The following METTL27 variants were observed in gnomAD, a reference collection of about 807,000 sequenced individuals.
METTL27 encodes the protein methyltransferase like 27, also known as methyltransferase-like protein 27.
In METTL27, 29 loss-of-function variants were observed where a neutral mutation model predicts 24.5. That is an observed-to-expected ratio of 1.18 (90% CI 0.88 to 1.61). The LOEUF is 1.61. METTL27 is among the 40% of genes most tolerant of loss of function. The probability of loss-of-function intolerance (pLI) is 0.00; values close to 1 mark genes in which losing one functional copy is unlikely to be tolerated. For synonymous variants in METTL27, 138 were observed against 146.8 expected, an observed-to-expected ratio of 0.94 and a Z score of 0.43; for missense variants, 341 against 324.3, an observed-to-expected ratio of 1.05 and a Z score of -0.40.
chr7:73,840,690 T>TC, intron 3 of METTL27, 141 bp from the exon 4 acceptor site: 2 of 1,249,252 alleles, frequency 1.6e-6, no homozygotes, highest in Non-Finnish European at 2.1e-6. Context: ...ACAAGGTCTC[T>TC]CTCTGTCGCC....
At chr7:73,838,617 G>A (rs1788272720) in intron 5 of METTL27, among the ~76,000 whole-genome samples, 1 of 152,188 alleles carries the variant, frequency 6.6e-6, no homozygotes, top group Non-Finnish European at 1.5e-5. Context: ...CCCATGGGCA[G>A]CCTGATGGGG....
intron 5 of METTL27, among the ~76,000 whole-genome samples, chr7:73,837,305 ATT>A (rs1303835185): frequency 1.7e-4 from 14 of 81,654 alleles, no homozygotes; most frequent in African/African-American, 4.2e-4. Flanking sequence ...AAATAAATAA[ATT>A]TAAAAAAAAT....
intron 5 of METTL27, among the ~76,000 whole-genome samples, chr7:73,835,524 GC>G (rs1360117043): frequency 7.2e-6 from 1 of 139,428 alleles, no homozygotes; most frequent in African/African-American, 2.7e-5. Context: ...GCTCAATGGT[GC>G]CCAGGCTGGA....
intron 4 of METTL27, 64 bp from the exon 5 acceptor site, chr7:73,840,184 G>A: frequency 1.9e-6 from 3 of 1,539,706 alleles, no homozygotes; most frequent in South Asian, 1.2e-5. Context: ...TGTCTATGGT[G>A]TGGCCTCAGA....
intron 5 of METTL27, among the ~76,000 whole-genome samples, chr7:73,837,299 A>C (rs1473943268): frequency 1.1e-5 from 1 of 93,410 alleles, no homozygotes; most frequent in African/African-American, 3.3e-5. Flanking sequence ...ATAAATAAAT[A>C]AATAAATTTA....
At chr7:73,839,794 G>A (rs1200778667) in intron 5 of METTL27, 5 of 475,494 alleles carry the variant, frequency 1.1e-5, no homozygotes, top group Non-Finnish European at 1.8e-5. Context: ...CTGCAGAGGA[G>A]GGTGGAGTTG....
chr7:73,840,281 G>A (rs1398202248), intron 4 of METTL27, 133 bp downstream of exon 4: 12 of 1,480,164 alleles, frequency 8.1e-6, no homozygotes, highest in Non-Finnish European at 1.1e-5. Flanking sequence ...CCAGTTCTGG[G>A]CTGCAGTCAG....
rs781922757 is a variant in METTL27 at position 73,842,061 on chromosome 7, T to G, written c.80A>C (p.Gln27Pro). The G allele has an allele frequency of 1.9e-6, 3 of 1,614,070 alleles. No homozygotes were observed. The highest frequency in any genetic ancestry group is 3.3e-5 in the Admixed American group (2 of 60,020). The change falls in exon 2 of 6, where the codon CAA (glutamine) becomes CCA (proline). Residue 27 changes from glutamine (Q) to proline (P), a missense_variant. Gln to Pro is a moderately conservative substitution (Grantham distance 76). Transcript: ENST00000297873. ...CCAGCGGTCATAGAAATGGAGCTTT[T>G]GGGCCAGGTCGGGGATGCCATGCGC... ...RAAHGIPDLAQKLHFYDRWAP... is the reference protein window; with the variant it reads ...RAAHGIPDLAPKLHFYDRWAP...
chr7:73,836,185 GTCAGC>G (rs1563649421), intron 5 of METTL27, among the ~76,000 whole-genome samples: 8 of 127,896 alleles, frequency 6.3e-5, no homozygotes, highest in African/African-American at 1.2e-4. Context: ...AGGTAGGGGG[GTCAGC>G]CCCCCGCCAG....
chr7:73,835,069 G>A (rs1788124158), intron 5 of METTL27, 67 bp from the exon 6 acceptor site: 1 of 1,509,804 alleles, frequency 6.6e-7, no homozygotes, highest in Non-Finnish European at 8.8e-7. Context: ...TCTCTGCTGG[G>A]GATGGTTGTC....
At chr7:73,839,065 T>G (rs1788284525) in intron 5 of METTL27, among the ~76,000 whole-genome samples, 1 of 152,068 alleles carries the variant, frequency 6.6e-6, no homozygotes, top group African/African-American at 2.4e-5. Context: ...GGGCGATCAC[T>G]TGAGGTCAGG....
chr7:73,840,563 G>A lies in METTL27; in HGVS notation c.253-14C>T, dbSNP rs957526734. 10 of 1,570,092 alleles carry A rather than the reference G, an allele frequency of 6.4e-6. No individual in the cohort carries two copies. The highest frequency in any genetic ancestry group is 8.6e-6 in the Non-Finnish European group (10 of 1,160,076). On this transcript the variant is annotated splice_polypyrimidine_tract_variant and intron_variant, in intron 3 of 5. Transcript: ENST00000297873. ...TGGAGCCCGCAGCTGGGGTAGGGGT[G>A]GGAGACTCAGTCATGGTTCACACCT...
rs782005704 is a variant in METTL27 at position 73,841,072 on chromosome 7, C to T, written c.250G>A (p.Glu84Lys). 12 of 1,487,570 alleles carry T rather than the reference C, an allele frequency of 8.1e-6. No homozygotes were observed. Among genetic ancestry groups the T allele is most frequent in the Middle Eastern group, 1.8e-4 (1 of 5,676 alleles). The allele number at this position is 1,487,570 out of a possible 1,614,324, so 92.1% of individuals were successfully genotyped here. Residue 84 changes from glutamate (E) to lysine (K), a missense_variant and splice_region_variant, in exon 3 of 6, where the codon GAG becomes AAG. Transcript: ENST00000297873. The stretch of plus-strand genomic sequence containing the variant: ...CAGGGGATCTGGAAGAGCCTCACCT[C>T]GGCAGCCACTAGGCCTGTGCCACAG... ...VACGTGLVAA[E>K]LRAPGFLQLH...
At chr7:73,838,741 C>A (rs1260767851) in intron 5 of METTL27, among the ~76,000 whole-genome samples, 1 of 152,200 alleles carries the variant, frequency 6.6e-6, no homozygotes, top group East Asian at 1.9e-4. Context: ...CTGACCCCAT[C>A]CGTGTCCCTG....
At chr7:73,840,386 C>T (rs1295300580) in intron 4 of METTL27, 28 bp downstream of exon 4, 4 of 1,555,354 alleles carry the variant, frequency 2.6e-6, no homozygotes, top group African/African-American at 1.4e-5. Context: ...GGGTGGGCCT[C>T]GGGGTGTGGA....
Position 73,840,018 on chromosome 7 carries a change from G to C in METTL27, c.478+13C>G. 1 of 1,601,872 alleles carries C rather than the reference G, an allele frequency of 6.2e-7. No homozygotes were observed. The highest frequency in any genetic ancestry group is 1.1e-5 in the South Asian group (1 of 88,686). Reference sequence around the variant, plus strand: ...GACGGGGGTTGGGGGTGGTTGGCTGGGCTGCTCCTCACCTGGCTTGGTGAC... The same window carrying C: ...GACGGGGGTTGGGGGTGGTTGGCTGCGCTGCTCCTCACCTGGCTTGGTGAC... On this transcript the variant is annotated intron_variant, in intron 5 of 5. Transcript: ENST00000297873.
Position 73,834,864 on chromosome 7 carries a change from G to C in METTL27, c.617C>G (p.Thr206Ser). 2 of 1,611,586 alleles carry C rather than the reference G, an allele frequency of 1.2e-6. No homozygotes were observed. Among genetic ancestry groups the C allele is most frequent in the Non-Finnish European group, 1.7e-6 (2 of 1,178,232 alleles). ...GCTCGGAGGTAGCCAGCTCCCAGCG[G>C]TCCACAGGCGGTCCACAGGCCAGGC... is the stretch of plus-strand genomic sequence containing the variant. Reference protein sequence around the residue: ...LVAWPVDRLWTAGSWLPPSWR... With the variant: ...LVAWPVDRLWSAGSWLPPSWR... Residue 206 changes from threonine (T) to serine (S), a missense_variant, in exon 6 of 6, where the codon ACC becomes AGC. Thr to Ser is a moderately conservative substitution (Grantham distance 58, BLOSUM62 1). Coordinates refer to ENST00000297873, the MANE Select transcript of METTL27 (RefSeq NM_152559.3).
At chr7:73,836,375 C>T (rs1425270078) in intron 5 of METTL27, among the ~76,000 whole-genome samples, 17 of 145,362 alleles carry the variant, frequency 1.2e-4, no homozygotes, top group African/African-American at 2.6e-4. Context: ...CCCCTCTGCC[C>T]GGCCAGCCGC....
intron 5 of METTL27, among the ~76,000 whole-genome samples, chr7:73,837,335 C>A (rs1788239409): frequency 4.3e-5 from 6 of 139,688 alleles, no homozygotes; most frequent in East Asian, 2.0e-4. Flanking sequence ...AATAAAAAGT[C>A]AATCAATTAA....
Sources: allele counts gnomAD v4.1 joint callset (sites outside exome capture counted in the v4.1 genomes callset), GRCh38; gene constraint gnomAD v4.1.1; transcripts MANE v1.5; gene names NCBI Gene and HGNC (gene_info 2026-07-23, HGNC 2026-07-21).